Variants in PLAAT1 observed in about 807,000 individuals in gnomAD.
PLAAT1 encodes phospholipase A and acyltransferase 1.
PLAAT1 carries 13 observed loss-of-function variants against 16.4 expected under a neutral mutation model. The ratio of observed to expected loss-of-function variants is 0.79; its 90% CI spans 0.52 to 1.26. PLAAT1 has a LOEUF of 1.26. Among genes scored for constraint, PLAAT1 ranks in the 50% most tolerant of loss-of-function variants. PLAAT1 has a pLI of 0.00. For synonymous variants in PLAAT1, 73 were observed against 78.4 expected, an observed-to-expected ratio of 0.93 and a Z score of 0.36; for missense variants, 218 against 207.8, an observed-to-expected ratio of 1.05 and a Z score of -0.30.
intron 1 of PLAAT1, among the ~76,000 whole-genome samples, chr3:193,244,201 G>A (rs920755664): frequency 5.9e-5 from 9 of 152,024 alleles, no homozygotes. Context: ...GCTTTTGTGT[G>A]CAGGTTTTTG....
intron 2 of PLAAT1, among the ~76,000 whole-genome samples, chr3:193,258,372 C>T (rs1210639219): frequency 6.6e-6 from 1 of 151,916 alleles, no homozygotes; most frequent in Non-Finnish European, 1.5e-5. Flanking sequence ...AAAGAACAGA[C>T]CAACCCCAAG....
chr3:193,242,992 G>A (rs1309766463), intron 1 of PLAAT1, among the ~76,000 whole-genome samples: 2 of 152,200 alleles, frequency 1.3e-5, no homozygotes, highest in Non-Finnish European at 2.9e-5. Context: ...ATGAGCAGAC[G>A]TTCAGCCTGT....
chr3:193,242,120 C>G (rs1238568300), intron 1 of PLAAT1, among the ~76,000 whole-genome samples: 1 of 142,954 alleles, frequency 7.0e-6, no homozygotes, highest in Non-Finnish European at 1.5e-5. Context: ...TTTTTTTTTG[C>G]GCTTTTTTTT....
At chr3:193,270,192 G>A (rs1388423651) in intron 3 of PLAAT1, among the ~76,000 whole-genome samples, 1 of 152,068 alleles carries the variant, frequency 6.6e-6, no homozygotes, top group Non-Finnish European at 1.5e-5. Context: ...AAGAACGTGT[G>A]TTTCAGAAGA....
At chr3:193,274,941 G>T, downstream of PLAAT1, 1 of 1,474,594 alleles carries the variant, frequency 6.8e-7, no homozygotes, top group Non-Finnish European at 9.2e-7. Context: ...ATGCTTGAAT[G>T]GAGAGAGGAA....
At chr3:193,273,621 G>T (rs1038436657), downstream of PLAAT1, among the ~76,000 whole-genome samples, 7 of 152,122 alleles carry the variant, frequency 4.6e-5, no homozygotes, top group African/African-American at 1.7e-4. Flanking sequence ...ATTGCCTATG[G>T]TCTGTTAAAT....
At chr3:193,255,545 T>A (rs1716343190) in intron 1 of PLAAT1, 106 bp from the exon 2 acceptor site, 2 of 1,098,074 alleles carry the variant, frequency 1.8e-6, no homozygotes. Context: ...TAATATAGAA[T>A]GCAGTCTCAA....
At chr3:193,241,162 G>A (rs907390506), upstream of PLAAT1, 25 of 1,193,356 alleles carry the variant, frequency 2.1e-5, no homozygotes, top group African/African-American at 3.5e-4. Flanking sequence ...TCGGGGCCAA[G>A]CGAGGTCTAG....
downstream of PLAAT1, among the ~76,000 whole-genome samples, chr3:193,271,699 A>C (rs1016420071): frequency 6.6e-6 from 1 of 152,176 alleles, no homozygotes; most frequent in Non-Finnish European, 1.5e-5. Flanking sequence ...GCTATCATCA[A>C]AAGCTTGGCA....
chr3:193,271,006 T>TC (rs746245388), downstream of PLAAT1, among the ~76,000 whole-genome samples: 110 of 152,218 alleles, frequency 7.2e-4, no homozygotes, highest in Non-Finnish European at 1.4e-3. Flanking sequence ...ATTTTCCTTT[T>TC]CCCCAAGGGT....
At chr3:193,263,307 C>T in intron 3 of PLAAT1, 72 bp downstream of exon 3, 2 of 1,429,956 alleles carry the variant, frequency 1.4e-6, no homozygotes, top group Non-Finnish European at 1.9e-6. Context: ...GTTCCCAGGC[C>T]TCAAACCAAA....
chr3:193,241,857 C>T (rs1406423452), intron 1 of PLAAT1, among the ~76,000 whole-genome samples: 1 of 152,154 alleles, frequency 6.6e-6, no homozygotes, highest in East Asian at 1.9e-4. Flanking sequence ...GGTGATATTC[C>T]TTTGGCATGC....
At chr3:193,269,616 G>A (rs1716916858) in intron 3 of PLAAT1, among the ~76,000 whole-genome samples, 1 of 152,230 alleles carries the variant, frequency 6.6e-6, no homozygotes, top group Admixed American at 6.5e-5. Flanking sequence ...CCAGCTCTTA[G>A]ACTGGTTCCC....
At chr3:193,250,392 C>T (rs1026333447) in intron 1 of PLAAT1, among the ~76,000 whole-genome samples, 5 of 152,100 alleles carry the variant, frequency 3.3e-5, no homozygotes, top group African/African-American at 9.7e-5. Flanking sequence ...TCATTCTGCC[C>T]TATACCAAGG....
downstream of PLAAT1, among the ~76,000 whole-genome samples, chr3:193,280,750 G>A (rs1358459224): frequency 1.3e-5 from 2 of 152,106 alleles, no homozygotes; most frequent in African/African-American, 4.8e-5. Context: ...ATCACCTTCA[G>A]GCCCAAACAA....
At chr3:193,241,106 G>C, upstream of PLAAT1, 2 of 813,944 alleles carry the variant, frequency 2.5e-6, no homozygotes, top group Non-Finnish European at 3.1e-6. Flanking sequence ...GGCGCGAGAA[G>C]GTGCAGTTCC....
downstream of PLAAT1, among the ~76,000 whole-genome samples, chr3:193,272,317 C>T (rs1423294938): frequency 6.6e-6 from 1 of 152,076 alleles, no homozygotes; most frequent in African/African-American, 2.4e-5. Context: ...GTGGCGGGCG[C>T]CTACAGTCCC....
At chr3:193,255,526 C>A in intron 1 of PLAAT1, 125 bp from the exon 2 acceptor site, 6 of 926,284 alleles carry the variant, frequency 6.5e-6, no homozygotes, top group Non-Finnish European at 9.5e-6. Flanking sequence ...GGTCGTGATT[C>A]TAAGTCTTTA....
At chr3:193,276,969 T>C (rs1318273882) in intron 2 of PLAAT1, 3 of 631,176 alleles carry the variant, frequency 4.8e-6, no homozygotes, top group East Asian at 5.7e-5. Flanking sequence ...TTACAGATAA[T>C]ACAACTGAAG....
Sources: allele counts gnomAD v4.1 joint callset (sites outside exome capture counted in the v4.1 genomes callset), GRCh38; gene constraint gnomAD v4.1.1; transcripts MANE v1.5; gene names NCBI Gene and HGNC (gene_info 2026-07-23, HGNC 2026-07-21).